The following BEND3 variants were observed in gnomAD, a reference collection of about 807,000 sequenced individuals.
BEND3 encodes the protein BEN domain-containing protein 3.
In BEND3, 13 loss-of-function variants were observed where a neutral mutation model predicts 60.1. The ratio of observed to expected loss-of-function variants is 0.22; its 90% CI spans 0.14 to 0.34. The LOEUF is 0.34. BEND3 is among the 10% of genes least tolerant of loss of function. The pLI is 1.00. For synonymous variants in BEND3, 497 were observed against 491.5 expected (o/e 1.01, Z -0.15); for missense variants, 896 against 1,138.1 (o/e 0.79, Z 3.06).
rs1774838173 is a variant in BEND3, at chr6:107,066,702, C to T, written c.*2002G>A. On this transcript the variant is annotated 3_prime_UTR_variant, in exon 4 of 4. Transcript: ENST00000369042. Reference sequence around the variant, plus strand: ...CCATGGGACCTCCCGCCTCCAGCCCCCAACAACCAGCGGTGGGAAGGGGGA... The same window carrying T: ...CCATGGGACCTCCCGCCTCCAGCCCTCAACAACCAGCGGTGGGAAGGGGGA... 6.6e-6 allele frequency: 1 copy of T among 152,664 alleles called. No homozygotes were observed. Among genetic ancestry groups the T allele is most frequent in the Admixed American group, 6.6e-5 (1 of 15,266 alleles). 9.5% of individuals were successfully genotyped at this position (152,664 alleles called of 1,614,324 possible).
chr6:107,083,071 T>C (rs1387105478), intron 3 of BEND3, among the ~76,000 whole-genome samples: 2 of 152,158 alleles, frequency 1.3e-5, no homozygotes, highest in Non-Finnish European at 2.9e-5. Flanking sequence ...AATATAAAAT[T>C]GGAAAACATC....
chr6:107,106,137 G>A (rs1775808068), intron 1 of BEND3: 1 of 152,234 alleles, frequency 6.6e-6, no homozygotes, highest in Non-Finnish European at 1.5e-5. Flanking sequence ...TCTGCTACAG[G>A]TGACATTGAC....
chr6:107,095,266 C>T (rs1208568105), intron 3 of BEND3, among the ~76,000 whole-genome samples: 2 of 152,032 alleles, frequency 1.3e-5, no homozygotes, highest in South Asian at 2.1e-4. Context: ...GCAAGAGGAT[C>T]GCTTGAGGCC....
intron 3 of BEND3, among the ~76,000 whole-genome samples, chr6:107,088,023 T>TA (rs71012768): frequency 2.1e-4 from 32 of 150,328 alleles, no homozygotes; most frequent in East Asian, 1.6e-3. Flanking sequence ...TTTTTTTTTT[T>TA]AGAGACAGGT....
chr6:107,105,820 C>T (rs1156768168), intron 1 of BEND3, among the ~76,000 whole-genome samples: 2 of 152,212 alleles, frequency 1.3e-5, no homozygotes, highest in Non-Finnish European at 2.9e-5. Flanking sequence ...GCAGCCCTGA[C>T]CTCATGCCAC....
intron 3 of BEND3, among the ~76,000 whole-genome samples, chr6:107,096,553 G>A (rs897047246): frequency 6.6e-6 from 1 of 152,190 alleles, no homozygotes. Context: ...AGAGGCTGCA[G>A]TGAGCTGAGC....
chr6:107,107,728 C>A (rs1775849100), intron 1 of BEND3, among the ~76,000 whole-genome samples: 1 of 152,236 alleles, frequency 6.6e-6, no homozygotes, highest in African/African-American at 2.4e-5. Flanking sequence ...TCCCAAAGTT[C>A]TGGGATTACA....
rs1554231295 is a variant in BEND3 at position 107,068,985 on chromosome 6, C to T, written c.2206G>A (p.Val736Met). ...AGGAGCCGGGCGGCAAAGTTGCCCA[C>T]GGAGAGGCTCTGCTGCACGATCTCA... is the stretch of plus-strand genomic sequence containing the variant. ...VREIVQQSLS[V>M]GNFAARLLVR... The change falls in exon 4 of 4, where the codon GTG becomes ATG. Residue 736 changes from valine (V) to methionine (M), a missense_variant. By Grantham distance (21) the Val-to-Met change is conservative. Transcript: ENST00000369042. The surrounding 1 kb of genome is among the most constrained non-coding windows in gnomAD (Gnocchi z 5.8). The T allele has an allele frequency of 1.9e-6, 3 of 1,613,732 alleles. No individual in the cohort carries two copies. Among genetic ancestry groups the T allele is most frequent in the Non-Finnish European group, 2.5e-6 (3 of 1,180,004 alleles).
At chr6:107,089,896 C>T (rs1476415995) in intron 3 of BEND3, among the ~76,000 whole-genome samples, 1 of 151,578 alleles carries the variant, frequency 6.6e-6, no homozygotes, top group Admixed American at 6.6e-5. Context: ...CGCCTGGCCA[C>T]CAACTACAGA....
chr6:107,112,708 C>A (rs1195298622), intron 1 of BEND3, among the ~76,000 whole-genome samples: 1 of 151,960 alleles, frequency 6.6e-6, no homozygotes, highest in African/African-American at 2.4e-5. Flanking sequence ...ACAAAACTAG[C>A]CGGGCATGGT....
chr6:107,109,354 G>T (rs782282460), intron 1 of BEND3, among the ~76,000 whole-genome samples: 14 of 147,396 alleles, frequency 9.5e-5, no homozygotes, highest in Non-Finnish European at 1.8e-4. Flanking sequence ...TGAGGCAAGA[G>T]AATCCTTGAA....
rs782247218 is a variant in BEND3 at position 107,099,246 on chromosome 6, T to A, written c.37+3A>T. 1 of 1,608,994 alleles carries A rather than the reference T, an allele frequency of 6.2e-7. No individual in the cohort carries two copies. On this transcript the variant is annotated splice_donor_region_variant and intron_variant, in intron 2 of 3. Coordinates refer to ENST00000369042, the MANE Select transcript of BEND3 (RefSeq NM_001367314.1). ...TTTTTCAAAAAGGGCATTTTTTTTT[T>A]ACCTTCTTCTACATCTTCGGTGAAT...
At position 107,069,945 on chromosome 6, in the gene BEND3, G is replaced by A. The variant is rs1774930769; in HGVS notation, c.1246C>T (p.His416Tyr). 6.2e-7 allele frequency: 1 copy of A among 1,612,916 alleles called. No homozygotes were observed. The highest frequency in any genetic ancestry group is 1.7e-5 in the Admixed American group (1 of 59,954). The change falls in exon 4 of 4, where the codon CAC becomes TAC. Residue 416 changes from histidine to tyrosine, a missense_variant. His to Tyr is a moderately conservative substitution (Grantham distance 83). Coordinates refer to ENST00000369042, the MANE Select transcript of BEND3 (RefSeq NM_001367314.1). ...SPGEFAVFLLHRLFPELFDHR... is the reference protein window; with the variant it reads ...SPGEFAVFLLYRLFPELFDHR... ...TCGAAGAGCTCGGGGAAGAGCCGGT[G>A]GAGGAGGAAGACGGCAAACTCGCCT...
chr6:107,113,077 G>A (rs1770153209), intron 1 of BEND3, among the ~76,000 whole-genome samples: 1 of 151,904 alleles, frequency 6.6e-6, no homozygotes, highest in Non-Finnish European at 1.5e-5. Context: ...AAAATCCCTT[G>A]AACCTGGGAG....
intron 1 of BEND3, among the ~76,000 whole-genome samples, chr6:107,103,322 C>G (rs1775739365): frequency 6.6e-6 from 1 of 152,240 alleles, no homozygotes; most frequent in Admixed American, 6.5e-5. Context: ...TCTGCTCCTC[C>G]TGGGTGGACA....
chr6:107,099,118 G>A (rs191766378), intron 2 of BEND3, 131 bp downstream of exon 2: 39 of 721,900 alleles, frequency 5.4e-5, no homozygotes, highest in Admixed American at 3.7e-4. Context: ...GATGGGAACC[G>A]GGGAACAAGT....
chr6:107,085,509 TGAGA>T (rs1306565839), intron 3 of BEND3, among the ~76,000 whole-genome samples: 1 of 152,158 alleles, frequency 6.6e-6, no homozygotes, highest in Non-Finnish European at 1.5e-5. Context: ...TATTTTTTTT[TGAGA>T]GAGAGTCTCA....
chr6:107,079,353 G>A (rs1205839363), intron 3 of BEND3, among the ~76,000 whole-genome samples: 1 of 152,126 alleles, frequency 6.6e-6, no homozygotes, highest in African/African-American at 2.4e-5. Context: ...CGATTCTTCT[G>A]GTACACCAAG....
At chr6:107,085,382 T>G (rs1424210277) in intron 3 of BEND3, among the ~76,000 whole-genome samples, 1 of 152,182 alleles carries the variant, frequency 6.6e-6, no homozygotes, top group East Asian at 1.9e-4. Flanking sequence ...ACAGCGAATA[T>G]TAGAGAAAAA....
Sources: allele counts gnomAD v4.1 joint callset (sites outside exome capture counted in the v4.1 genomes callset), GRCh38; gene constraint gnomAD v4.1.1; non-coding constraint Gnocchi (gnomAD v3.1); transcripts MANE v1.5; gene names NCBI Gene and HGNC (gene_info 2026-07-23, HGNC 2026-07-21).